RNF11: variants seen among roughly 807,000 people sequenced by gnomAD.
The protein encoded by RNF11 is ring finger protein 11.
In RNF11, 4 loss-of-function variants were observed where a neutral mutation model predicts 15.8. That is an observed-to-expected ratio of 0.25 (90% confidence interval 0.12 to 0.58). RNF11 has a LOEUF of 0.58. Among genes scored for constraint, RNF11 ranks in the 20% least tolerant of loss-of-function variants. The pLI is 0.91. For missense variants in RNF11, 139 were observed against 194.4 expected (o/e 0.71, Z 1.70); for synonymous variants, 68 against 72.3 (o/e 0.94, Z 0.30).
intron 1 of RNF11, among the ~76,000 whole-genome samples, chr1:51,264,315 T>TACAC (rs1445465411): frequency 1.8e-4 from 17 of 96,632 alleles, no homozygotes; most frequent in African/African-American, 7.3e-4. Flanking sequence ...TATATATATA[T>TACAC]ATACACACAC....
intron 1 of RNF11, among the ~76,000 whole-genome samples, chr1:51,238,297 A>G (rs1457291320): frequency 6.6e-6 from 1 of 152,168 alleles, no homozygotes; most frequent in Non-Finnish European, 1.5e-5. Context: ...AGCAATATCT[A>G]TAACACTTTA....
intron 1 of RNF11, among the ~76,000 whole-genome samples, chr1:51,269,152 G>A (rs1268243243): frequency 6.6e-6 from 1 of 152,212 alleles, no homozygotes; most frequent in Non-Finnish European, 1.5e-5. Flanking sequence ...TTTTCAGACT[G>A]CTCTGTTGAT....
intron 1 of RNF11, among the ~76,000 whole-genome samples, chr1:51,240,919 C>T (rs920653999): frequency 6.6e-6 from 1 of 152,074 alleles, no homozygotes; most frequent in Non-Finnish European, 1.5e-5. Flanking sequence ...TGGGTTCAAG[C>T]GATTCTCCTG....
chr1:51,254,667 T>C (rs1646896167), intron 1 of RNF11, among the ~76,000 whole-genome samples: 1 of 152,140 alleles, frequency 6.6e-6, no homozygotes, highest in Admixed American at 6.5e-5. Flanking sequence ...TTCACTATGT[T>C]GGCCAGGCAG....
At chr1:51,250,088 A>T (rs1215262635) in intron 1 of RNF11, among the ~76,000 whole-genome samples, 1 of 152,090 alleles carries the variant, frequency 6.6e-6, no homozygotes, top group Admixed American at 6.6e-5. Flanking sequence ...ACAATATGAG[A>T]GTTTCATTTG....
At position 51,271,141 on chromosome 1, in the gene RNF11, C is replaced by T; in HGVS notation, c.294-10C>T. The stretch of plus-strand genomic sequence containing the variant: ...AATGCCTTCTGATTTCTCTCCATTG[C>T]TCTCAACAGGTGTGTGATCTGTATG... On this transcript the variant is annotated splice_polypyrimidine_tract_variant and intron_variant, in intron 2 of 2. Transcript: ENST00000242719. 4 of 1,610,230 alleles carry T rather than the reference C, an allele frequency of 2.5e-6. No individual in the cohort carries two copies. The highest frequency in any genetic ancestry group is 2.2e-5 in the East Asian group (1 of 44,856).
At chr1:51,257,307 A>G (rs897358600) in intron 1 of RNF11, among the ~76,000 whole-genome samples, 1 of 152,222 alleles carries the variant, frequency 6.6e-6, no homozygotes, top group South Asian at 2.1e-4. Context: ...CATATTTAAA[A>G]TGGTTTATTT....
chr1:51,257,956 C>A (rs1646913121), intron 1 of RNF11, among the ~76,000 whole-genome samples: 2 of 145,638 alleles, frequency 1.4e-5, no homozygotes, highest in Admixed American at 1.4e-4. Context: ...CAGGGTCAAG[C>A]AGTTCTCCTG....
intron 1 of RNF11, among the ~76,000 whole-genome samples, chr1:51,263,827 C>G (rs138855514): frequency 6.6e-6 from 1 of 152,180 alleles, no homozygotes; most frequent in African/African-American, 2.4e-5. Flanking sequence ...GGTTGCATAG[C>G]TCTGAACACA....
At chr1:51,252,771 C>T (rs1340872411) in intron 1 of RNF11, among the ~76,000 whole-genome samples, 8 of 150,876 alleles carry the variant, frequency 5.3e-5, no homozygotes, top group Admixed American at 2.6e-4. Flanking sequence ...TTTGGCCTTT[C>T]GGGTATTGTC....
At chr1:51,242,982 C>T (rs1443164497) in intron 1 of RNF11, among the ~76,000 whole-genome samples, 1 of 152,122 alleles carries the variant, frequency 6.6e-6, no homozygotes, top group Admixed American at 6.5e-5. Context: ...AGAAGTTCAG[C>T]CTTCTTATTG....
rs899317805 is a variant in RNF11 at position 51,271,897 on chromosome 1, A to G, written c.*575A>G. The G allele has an allele frequency of 4.6e-5, 7 of 152,636 alleles. No homozygotes were observed. The highest frequency in any genetic ancestry group is 6.5e-5 in the Admixed American group (1 of 15,280). The allele number at this position is 152,636 out of a possible 1,614,324, so 9.5% of individuals were successfully genotyped here. Reference sequence around the variant, plus strand: ...TATTATTATCGTTGGGGCTGGCTCTATGCTTGAAAACCAGTTTATTTATAA... The same window carrying G: ...TATTATTATCGTTGGGGCTGGCTCTGTGCTTGAAAACCAGTTTATTTATAA... On this transcript the variant is annotated 3_prime_UTR_variant, in exon 3 of 3. Transcript: ENST00000242719.
Position 51,271,325 on chromosome 1 carries a change from CAG to C in RNF11, c.*4_*5del. 6.2e-7 allele frequency: 1 copy of C among 1,607,898 alleles called. No individual in the cohort carries two copies. The highest frequency in any genetic ancestry group is 8.5e-7 in the Non-Finnish European group (1 of 1,175,820). ...TTTCATCCTATGAGACTAATTGAGC[CAG>C]GGTCTCTTATCTGACTTCAAGTGAA... On this transcript the variant is annotated 3_prime_UTR_variant, in exon 3 of 3. Transcript: ENST00000242719.
chr1:51,237,221 C>G (rs916233993), intron 1 of RNF11, among the ~76,000 whole-genome samples: 2 of 151,770 alleles, frequency 1.3e-5, no homozygotes, highest in Non-Finnish European at 1.5e-5. Flanking sequence ...CTCATCGCAC[C>G]GCCAACTGGA....
chr1:51,238,865 G>A (rs2148063623), intron 1 of RNF11, among the ~76,000 whole-genome samples: 1 of 152,202 alleles, frequency 6.6e-6, no homozygotes, highest in East Asian at 1.9e-4. Context: ...GAGTAGCTGG[G>A]ATTACAGGCG....
At chr1:51,261,962 C>A (rs927189630) in intron 1 of RNF11, among the ~76,000 whole-genome samples, 3 of 152,190 alleles carry the variant, frequency 2.0e-5, no homozygotes, top group Admixed American at 2.0e-4. Context: ...TCAAGCGATT[C>A]TCCTGCCTCA....
chr1:51,243,735 G>A (rs1037532652), intron 1 of RNF11, among the ~76,000 whole-genome samples: 3 of 152,150 alleles, frequency 2.0e-5, no homozygotes, highest in African/African-American at 4.8e-5. Context: ...CACCACGCCC[G>A]GCCCTTAATG....
At chr1:51,270,185 T>G in intron 2 of RNF11, 60 bp downstream of exon 2, 2 of 1,381,904 alleles carry the variant, frequency 1.4e-6, no homozygotes, top group Non-Finnish European at 2.0e-6. Context: ...TTTGAAAAAT[T>G]TGCCTTTTCT....
intron 1 of RNF11, among the ~76,000 whole-genome samples, chr1:51,267,639 C>A (rs1031371655): frequency 1.3e-5 from 2 of 152,218 alleles, no homozygotes; most frequent in Admixed American, 1.3e-4. Context: ...TAGCATATGA[C>A]AAAATTCCTG....
Sources: gnomAD v4.1 joint callset for allele counts (sites outside exome capture counted in the v4.1 genomes callset) on GRCh38, gnomAD v4.1.1 for gene constraint, MANE v1.5 for transcripts, NCBI Gene and HGNC (gene_info 2026-07-23, HGNC 2026-07-21) for gene names.